Variants in CFAP141 observed in about 807,000 individuals in gnomAD.
CFAP141 encodes cilia- and flagella-associated protein 141.
chr1:154,205,371 A>G, the CFAP141 span, among the ~76,000 whole-genome samples: 5 of 152,346 alleles, frequency 3.3e-5, no homozygotes, highest in Admixed American at 1.3e-4. Context: ...TCTCCAGAGA[A>G]TGAGGCAGGG....
chr1:154,205,709 C>A, the CFAP141 span: 1 of 1,147,360 alleles, frequency 8.7e-7, no homozygotes, highest in Admixed American at 2.1e-5. Context: ...AGACATAGAC[C>A]TTTTTTTTTT....
the CFAP141 span, among the ~76,000 whole-genome samples, chr1:154,202,522 C>T: frequency 1.1e-3 from 168 of 152,168 alleles, no homozygotes; most frequent in Non-Finnish European, 2.0e-3. Context: ...TAAGTGAGGC[C>T]GGCCGCGGTG....
chr1:154,204,595 T>C, the CFAP141 span, among the ~76,000 whole-genome samples: 2 of 151,686 alleles, frequency 1.3e-5, no homozygotes, highest in African/African-American at 4.9e-5. Context: ...TTGTTTTGTT[T>C]TGAGACAGGG....
At chr1:154,199,363 A>T in the CFAP141 span, 1 of 1,106,664 alleles carries the variant, frequency 9.0e-7, no homozygotes, top group Non-Finnish European at 1.3e-6. Context: ...TCAAGGTGGT[A>T]GAGGTTCTAG....
chr1:154,199,855 T>TA, the CFAP141 span, among the ~76,000 whole-genome samples: 1 of 152,252 alleles, frequency 6.6e-6, no homozygotes, highest in East Asian at 1.9e-4. Context: ...AGGCAAGTGA[T>TA]ACGCACTAAG....
chr1:154,205,398 C>T, the CFAP141 span, among the ~76,000 whole-genome samples: 1 of 152,212 alleles, frequency 6.6e-6, no homozygotes, highest in African/African-American at 2.4e-5. Context: ...AAAAACCAAT[C>T]TATATCACCT....
chr1:154,206,107 A>G, the CFAP141 span, among the ~76,000 whole-genome samples: 5 of 152,188 alleles, frequency 3.3e-5, no homozygotes, highest in African/African-American at 7.2e-5. Context: ...GATAGAACAC[A>G]TATTTGAATA....
chr1:154,200,278 C>A, the CFAP141 span, among the ~76,000 whole-genome samples: 2 of 152,214 alleles, frequency 1.3e-5, no homozygotes, highest in African/African-American at 2.4e-5. Context: ...TGCAAAGAAT[C>A]ACTTAATGAA....
chr1:154,205,992 C>T, the CFAP141 span, among the ~76,000 whole-genome samples: 2 of 152,064 alleles, frequency 1.3e-5, no homozygotes, highest in Non-Finnish European at 2.9e-5. Context: ...CGTGAGTCAC[C>T]GCACCCAGCC....
chr1:154,200,935 C>G, the CFAP141 span, among the ~76,000 whole-genome samples: 25 of 152,138 alleles, frequency 1.6e-4, no homozygotes, highest in Non-Finnish European at 2.9e-4. Flanking sequence ...CCACCTGCCT[C>G]GGCTTCCCAG....
At chr1:154,205,266 A>T in the CFAP141 span, among the ~76,000 whole-genome samples, 2 of 152,202 alleles carry the variant, frequency 1.3e-5, no homozygotes, top group African/African-American at 4.8e-5. Flanking sequence ...TGGTTCAACA[A>T]ATACTGCACT....
At chr1:154,202,815 T>C in the CFAP141 span, among the ~76,000 whole-genome samples, 2 of 147,848 alleles carry the variant, frequency 1.4e-5, no homozygotes, top group African/African-American at 5.0e-5. Context: ...AAAAAAAAAA[T>C]ACATTAAGTG....
chr1:154,202,510 A>C, the CFAP141 span, among the ~76,000 whole-genome samples: 1 of 152,298 alleles, frequency 6.6e-6, no homozygotes, highest in African/African-American at 2.4e-5. Flanking sequence ...ACAGAAATAC[A>C]TTAAGTGAGG....
chr1:154,200,722 G>A, the CFAP141 span: 2 of 1,040,818 alleles, frequency 1.9e-6, no homozygotes, highest in East Asian at 4.9e-5. Flanking sequence ...CACTCTTGTT[G>A]CCCAGGCTGG....
At chr1:154,206,070 T>C in the CFAP141 span, among the ~76,000 whole-genome samples, 1 of 152,172 alleles carries the variant, frequency 6.6e-6, no homozygotes, top group Non-Finnish European at 1.5e-5. Context: ...ACTTTCAGAA[T>C]GGATCAAAGA....
the CFAP141 span, among the ~76,000 whole-genome samples, chr1:154,201,714 A>C: frequency 1.3e-5 from 2 of 151,892 alleles, no homozygotes; most frequent in Non-Finnish European, 2.9e-5. Flanking sequence ...TAAAGTTAAT[A>C]TCCCTTCCCT....
chr1:154,206,160 T>C, the CFAP141 span: 1 of 975,688 alleles, frequency 1.0e-6, no homozygotes, highest in South Asian at 1.3e-5. Context: ...TGTTACTAAC[T>C]ACATTATACC....
the CFAP141 span, chr1:154,200,679 CTTTTT>C: frequency 8.0e-6 from 11 of 1,382,146 alleles, no homozygotes; most frequent in Admixed American, 1.7e-4. Flanking sequence ...TTTCTTTTTT[CTTTTT>C]CTTTTCTTTT....
At chr1:154,199,343 G>T in the CFAP141 span, 1 of 853,050 alleles carries the variant, frequency 1.2e-6, no homozygotes, top group Non-Finnish European at 1.9e-6. Context: ...GTATGTTTTG[G>T]GAAGGAGGTT....
Sources: allele counts gnomAD v4.1 joint callset (sites outside exome capture counted in the v4.1 genomes callset), GRCh38; gene constraint gnomAD v4.1.1; transcripts MANE v1.5; gene names NCBI Gene and HGNC (gene_info 2026-07-23, HGNC 2026-07-21).